CALN1: variants seen among roughly 807,000 people sequenced by gnomAD.
CALN1 encodes calcium-binding protein 8.
In CALN1, 17 loss-of-function variants were observed where a neutral mutation model predicts 30.6. The observed-to-expected ratio is 0.56, with a 90% confidence interval of 0.38 to 0.83. The LOEUF is 0.83. CALN1 is among the 40% of genes least tolerant of loss of function. CALN1 has a pLI of 0.00. For missense variants in CALN1, 291 were observed against 354.9 expected (o/e 0.82, Z 1.45); for synonymous variants, 156 against 131.4 (o/e 1.19, Z -1.28).
chr7:72,148,480 C>T (rs1786956592), intron 3 of CALN1, among the ~76,000 whole-genome samples: 1 of 151,936 alleles, frequency 6.6e-6, no homozygotes, highest in African/African-American at 2.4e-5. Context: ...CCTGTAGTCC[C>T]AGCTACTACT....
chr7:71,824,834 G>T (rs1182789930), intron 5 of CALN1, among the ~76,000 whole-genome samples: 1 of 152,144 alleles, frequency 6.6e-6, no homozygotes, highest in African/African-American at 2.4e-5. Context: ...GAGCAGAATT[G>T]GTTGCAGTGC....
chr7:72,278,947 C>G, intron 2 of CALN1, 137 bp from the exon 3 acceptor site: 1 of 1,273,034 alleles, frequency 7.9e-7, no homozygotes, highest in Non-Finnish European at 1.1e-6. Flanking sequence ...GTGGGAAAGT[C>G]AAGATATTTC....
chr7:72,342,284 C>A (rs1025091395), intron 2 of CALN1, among the ~76,000 whole-genome samples: 3 of 146,866 alleles, frequency 2.0e-5, no homozygotes, highest in East Asian at 4.1e-4. Flanking sequence ...AAATCAGAAA[C>A]ACAAAGAACT....
intron 5 of CALN1, among the ~76,000 whole-genome samples, chr7:71,954,023 C>A (rs1796833709): frequency 6.6e-6 from 1 of 152,162 alleles, no homozygotes; most frequent in Admixed American, 6.6e-5. Context: ...TTCACTATTG[C>A]TAGAGAATCA....
the CALN1 span, among the ~76,000 whole-genome samples, chr7:72,502,423 A>C: frequency 6.7e-6 from 1 of 149,308 alleles, no homozygotes; most frequent in Admixed American, 6.7e-5. Context: ...TATATATTAT[A>C]TATAAATATA....
intron 2 of CALN1, among the ~76,000 whole-genome samples, chr7:72,374,568 A>AC (rs59730684): frequency 3.2e-4 from 49 of 151,488 alleles, no homozygotes; most frequent in Middle Eastern, 7.0e-3. Flanking sequence ...GAAAAAAAAA[A>AC]CAGAAAACTA....
At chr7:72,327,292 G>A (rs937447297) in intron 2 of CALN1, among the ~76,000 whole-genome samples, 2 of 152,206 alleles carry the variant, frequency 1.3e-5, no homozygotes, top group Non-Finnish European at 2.9e-5. Flanking sequence ...TCAGGAGTTT[G>A]ACACCAGCCT....
chr7:72,307,017 A>C (rs904748172), intron 2 of CALN1, among the ~76,000 whole-genome samples: 3 of 152,248 alleles, frequency 2.0e-5, no homozygotes, highest in Non-Finnish European at 4.4e-5. Flanking sequence ...AGTTCAGTCC[A>C]CAGCACTAAC....
intron 3 of CALN1, among the ~76,000 whole-genome samples, chr7:72,175,134 C>T (rs772890070): frequency 1.6e-4 from 24 of 151,552 alleles, no homozygotes; most frequent in Non-Finnish European, 2.8e-4. Context: ...AGTGCAGTGG[C>T]GCAATCTCGG....
chr7:71,987,387 C>T (rs1453026659), intron 5 of CALN1, among the ~76,000 whole-genome samples: 1 of 152,126 alleles, frequency 6.6e-6, no homozygotes, highest in Non-Finnish European at 1.5e-5. Flanking sequence ...AGCAGGGCCC[C>T]CAGGGGTGGG....
At chr7:71,996,575 T>C (rs546440564) in intron 5 of CALN1, among the ~76,000 whole-genome samples, 2 of 152,232 alleles carry the variant, frequency 1.3e-5, no homozygotes, top group Non-Finnish European at 2.9e-5. Flanking sequence ...TTCTGTTTTA[T>C]GTCTGCATAG....
the CALN1 span, among the ~76,000 whole-genome samples, chr7:72,499,428 T>C: frequency 6.6e-6 from 1 of 152,122 alleles, no homozygotes; most frequent in African/African-American, 2.4e-5. Context: ...ATGAGTTTTG[T>C]TTTCATCACA....
intron 3 of CALN1, among the ~76,000 whole-genome samples, chr7:72,259,805 C>T (rs1353976743): frequency 6.6e-6 from 1 of 152,216 alleles, no homozygotes; most frequent in Non-Finnish European, 1.5e-5. Context: ...CCTTTCTTTT[C>T]CTTTCTCCCC....
the CALN1 span, among the ~76,000 whole-genome samples, chr7:72,500,833 G>A: frequency 6.6e-6 from 1 of 151,798 alleles, no homozygotes; most frequent in Non-Finnish European, 1.5e-5. Flanking sequence ...CAGATTCACT[G>A]TGTATTAATC....
At chr7:72,228,644 G>A (rs1224122460) in intron 3 of CALN1, among the ~76,000 whole-genome samples, 5 of 151,832 alleles carry the variant, frequency 3.3e-5, no homozygotes, top group East Asian at 1.9e-4. Context: ...TACAATAGTC[G>A]CAAGGTTTAA....
At chr7:72,386,646 G>A (rs1805226169) in intron 2 of CALN1, among the ~76,000 whole-genome samples, 1 of 151,978 alleles carries the variant, frequency 6.6e-6, no homozygotes, top group South Asian at 2.1e-4. Flanking sequence ...TGTTGTTAGT[G>A]TTTTTTAGAG....
Position 71,784,739 on chromosome 7 carries a change from T to C in CALN1, c.*3036A>G. On this transcript the variant is annotated 3_prime_UTR_variant, in exon 7 of 7. Transcript: ENST00000395275. ...TTGGGCAGCCAAGGTCACTGGTTCC[T>C]AAGTCCGGAGGACAGAATGAGGGGT... The C allele has an allele frequency of 2.5e-6, 1 of 398,514 alleles. No homozygotes were observed. The highest frequency in any genetic ancestry group is 4.4e-6 in the Non-Finnish European group (1 of 226,034). 24.7% of individuals were successfully genotyped at this position (398,514 alleles called of 1,614,324 possible). A position where few individuals can be genotyped will look rare whatever the true frequency, so the allele number is the denominator to read the frequency against.
rs1805925766 is a variant in CALN1 at position 72,396,199 on chromosome 7, C to G, written c.119+7052G>C. 2.2e-5 allele frequency among the ~76,000 whole-genome samples: 3 copies of G among 136,616 alleles called. No individual in the cohort carries two copies. In the Admixed American group the frequency reaches 2.4e-4, roughly 11 times the overall value. The allele number at this position is 136,616 out of a possible 152,430, so 89.6% of individuals were successfully genotyped here. A position where few individuals can be genotyped will look rare whatever the true frequency, so the allele number is the denominator to read the frequency against. On this transcript the variant is annotated intron_variant, in intron 2 of 6. Transcript: ENST00000395275. The stretch of plus-strand genomic sequence containing the variant: ...ATCACTTAAAGTCAGGAGTTCGAGA[C>G]CAGCCTGGTCAGCATGGTGAAACTC...
At chr7:72,035,247 A>G (rs1801723554) in intron 4 of CALN1, among the ~76,000 whole-genome samples, 1 of 151,962 alleles carries the variant, frequency 6.6e-6, no homozygotes, top group Non-Finnish European at 1.5e-5. Context: ...GCAAAACTGA[A>G]ACCCCCACCC....
Sources: gnomAD v4.1 joint callset for allele counts (sites outside exome capture counted in the v4.1 genomes callset) on GRCh38, gnomAD v4.1.1 for gene constraint, MANE v1.5 for transcripts, NCBI Gene and HGNC (gene_info 2026-07-23, HGNC 2026-07-21) for gene names.